PDE8A: variants seen among roughly 807,000 people sequenced by gnomAD.
PDE8A encodes the protein high affinity cAMP-specific and IBMX-insensitive 3',5'-cyclic phosphodiesterase 8A.
In PDE8A, 59 loss-of-function variants were observed where a neutral mutation model predicts 105.0. That is an observed-to-expected ratio of 0.56 (90% CI 0.46 to 0.70). PDE8A has a LOEUF of 0.70. PDE8A is among the 30% of genes least tolerant of loss of function. The pLI is 0.00. For synonymous variants in PDE8A, 355 were observed against 371.9 expected (o/e 0.95, Z 0.52); for missense variants, 1,014 against 1,045.9 (o/e 0.97, Z 0.42).
intron 16 of PDE8A, 130 bp downstream of exon 16, chr15:85,116,249 C>T (rs2082095830): frequency 1.2e-6 from 1 of 809,084 alleles, no homozygotes; most frequent in African/African-American, 1.7e-5. Context: ...GAAGGAGTAA[C>T]AGGGCACCAG....
intron 11 of PDE8A, among the ~76,000 whole-genome samples, chr15:85,106,632 C>T (rs764184081): frequency 1.1e-4 from 16 of 152,272 alleles, no homozygotes; most frequent in Middle Eastern, 3.4e-3. Flanking sequence ...AAGGAATGAA[C>T]ACTTGGAGAG....
intron 1 of PDE8A, among the ~76,000 whole-genome samples, chr15:85,005,260 A>T (rs1231973404): frequency 6.6e-6 from 1 of 152,066 alleles, no homozygotes; most frequent in African/African-American, 2.4e-5. Context: ...GACTGCTGCC[A>T]TGCACCACCA....
chr15:85,103,999 G>A (rs2081908030), intron 11 of PDE8A, among the ~76,000 whole-genome samples: 1 of 152,224 alleles, frequency 6.6e-6, no homozygotes, highest in Non-Finnish European at 1.5e-5. Context: ...TGGGAAGGAA[G>A]GTTCAGGGTC....
intron 1 of PDE8A, among the ~76,000 whole-genome samples, chr15:85,057,324 C>T (rs2081077187): frequency 2.6e-5 from 4 of 152,214 alleles, no homozygotes; most frequent in African/African-American, 9.6e-5. Context: ...AGGACCACTA[C>T]TCTCTTCAAA....
intron 1 of PDE8A, among the ~76,000 whole-genome samples, chr15:85,024,586 G>A (rs148339443): frequency 4.6e-5 from 7 of 151,394 alleles, no homozygotes; most frequent in African/African-American, 1.2e-4. Context: ...CTCCTACTGC[G>A]TAGGCTTTTT....
intron 1 of PDE8A, among the ~76,000 whole-genome samples, chr15:85,026,456 A>G (rs1380532931): frequency 6.6e-6 from 1 of 152,100 alleles, no homozygotes; most frequent in Non-Finnish European, 1.5e-5. Flanking sequence ...TCCCCAGAGG[A>G]AGCATTTAGA....
chr15:85,130,370 G>T (rs1319716347), intron 20 of PDE8A, among the ~76,000 whole-genome samples: 4 of 152,134 alleles, frequency 2.6e-5, no homozygotes, highest in Non-Finnish European at 5.9e-5. Context: ...CCAGATACTT[G>T]TGAGTTTCCC....
intron 6 of PDE8A, among the ~76,000 whole-genome samples, chr15:85,085,733 C>T (rs1253008283): frequency 6.7e-6 from 1 of 148,960 alleles, no homozygotes. Context: ...ATCGGCTGGG[C>T]AGGGTGGCTC....
intron 1 of PDE8A, among the ~76,000 whole-genome samples, chr15:85,029,841 G>T (rs1427323078): frequency 6.6e-6 from 1 of 152,148 alleles, no homozygotes; most frequent in Non-Finnish European, 1.5e-5. Context: ...GAAGTCTAGA[G>T]TCTGGAAGTC....
At position 85,123,098 on chromosome 15, in the gene PDE8A, A is replaced by G. The variant is rs965759157; in HGVS notation, c.1990A>G (p.Met664Val). The G allele has an allele frequency of 1.9e-6, 3 of 1,614,104 alleles. No individual in the cohort carries two copies. Among genetic ancestry groups the G allele is most frequent in the East Asian group, 2.2e-5 (1 of 44,876 alleles). ...YRTLRQGIIDMVLATEMTKHF... is the reference protein window; with the variant it reads ...YRTLRQGIIDVVLATEMTKHF... ...GACACTGCGCCAGGGGATTATCGAC[A>G]TGGTCTTAGCCACAGAAATGACAAA... The change falls in exon 19 of 22, where the codon ATG becomes GTG. Residue 664 changes from methionine to valine, a missense_variant. Coordinates refer to ENST00000394553, the MANE Select transcript of PDE8A (RefSeq NM_002605.3).
intron 1 of PDE8A, among the ~76,000 whole-genome samples, chr15:85,060,075 G>A (rs1475101233): frequency 2.0e-5 from 3 of 152,114 alleles, no homozygotes; most frequent in South Asian, 2.1e-4. Flanking sequence ...TTGTTTTTCT[G>A]TATGTCACAT....
chr15:85,078,547 T>TGA (rs767568911), intron 5 of PDE8A, among the ~76,000 whole-genome samples: 1 of 8,182 alleles, frequency 1.2e-4, no homozygotes, highest in South Asian at 4.6e-3. Context: ...ATACTCCATC[T>TGA]CAAAAAAAAA....
At chr15:85,082,678 CTT>C (rs1158370119) in intron 5 of PDE8A, among the ~76,000 whole-genome samples, 1 of 152,198 alleles carries the variant, frequency 6.6e-6, no homozygotes, top group Non-Finnish European at 1.5e-5. Flanking sequence ...GGCTCTGCCT[CTT>C]AGGCATCAGC....
chr15:84,997,831 G>A (rs1310757782), intron 1 of PDE8A, among the ~76,000 whole-genome samples: 1 of 152,118 alleles, frequency 6.6e-6, no homozygotes, highest in African/African-American at 2.4e-5. Context: ...CCAACCTCAG[G>A]TGATCTGCCT....
At chr15:85,078,239 C>A (rs1436190356) in intron 5 of PDE8A, among the ~76,000 whole-genome samples, 2 of 118,484 alleles carry the variant, frequency 1.7e-5, no homozygotes, top group Admixed American at 1.6e-4. Context: ...AGCTTCTCAG[C>A]AGCAACAAGT....
chr15:85,086,137 G>A (rs2081549118), intron 6 of PDE8A, among the ~76,000 whole-genome samples: 1 of 152,034 alleles, frequency 6.6e-6, no homozygotes, highest in African/African-American at 2.4e-5. Flanking sequence ...TGGAAAGAAA[G>A]TTAAGCTACG....
intron 1 of PDE8A, among the ~76,000 whole-genome samples, chr15:85,030,468 A>G (rs1189749206): frequency 6.6e-6 from 1 of 152,010 alleles, no homozygotes; most frequent in African/African-American, 2.4e-5. Context: ...AGCAGCTCTA[A>G]AAACCTGAGA....
intron 20 of PDE8A, among the ~76,000 whole-genome samples, chr15:85,135,762 T>C (rs965440056): frequency 1.3e-5 from 2 of 152,208 alleles, no homozygotes; most frequent in Non-Finnish European, 2.9e-5. Flanking sequence ...GCTTGCCTTT[T>C]TCCTCAGGTT....
At chr15:85,096,788 G>GT (rs1009809309) in intron 8 of PDE8A, among the ~76,000 whole-genome samples, 4 of 152,170 alleles carry the variant, frequency 2.6e-5, no homozygotes, top group African/African-American at 7.2e-5. Context: ...CTTTCTGGCT[G>GT]TTTTTTGATA....
Sources: allele counts gnomAD v4.1 joint callset (sites outside exome capture counted in the v4.1 genomes callset), GRCh38; gene constraint gnomAD v4.1.1; transcripts MANE v1.5; gene names NCBI Gene and HGNC (gene_info 2026-07-23, HGNC 2026-07-21).